The following CACNA2D3 variants were observed in gnomAD, a reference collection of about 807,000 sequenced individuals.
CACNA2D3 encodes calcium voltage-gated channel auxiliary subunit alpha2delta 3.
CACNA2D3 carries 60 observed loss-of-function variants against 160.6 expected under a neutral mutation model. That is an observed-to-expected ratio of 0.37 (90% CI 0.30 to 0.46). The LOEUF (loss-of-function observed/expected upper bound fraction) is 0.46. Ranked by LOEUF, CACNA2D3 falls within the 20% of genes least tolerant of loss-of-function variation. The pLI, the probability that CACNA2D3 is intolerant of heterozygous loss-of-function variation, is 1.00. For missense variants in CACNA2D3, 1,205 were observed against 1,365.0 expected (o/e 0.88, Z 1.85); for synonymous variants, 558 against 492.9 (o/e 1.13, Z -1.75).
rs529807526 is a variant in CACNA2D3, at chr3:54,765,729, T to C, written c.1380+1378T>C. On this transcript the variant is annotated intron_variant, in intron 13 of 37. Transcript: ENST00000474759. ...TTTGTTTCATCAATTTAAAAAAATA[T>C]AAGACACAGTTTCTACAATTAAAAC... Among the ~76,000 whole-genome samples, 21 of 152,242 alleles carry C rather than the reference T, an allele frequency of 1.4e-4. No individual in the cohort carries two copies. The South Asian group carries it at 3.3e-3, about 24-fold the overall frequency.
At chr3:54,944,713 G>A (rs754525279) in intron 27 of CACNA2D3, among the ~76,000 whole-genome samples, 4 of 152,156 alleles carry the variant, frequency 2.6e-5, no homozygotes, top group African/African-American at 7.2e-5. Flanking sequence ...GAGCCACCGC[G>A]CCCAGCCTCC....
intron 2 of CACNA2D3, among the ~76,000 whole-genome samples, chr3:54,226,345 C>G (rs1701672649): frequency 7.4e-6 from 1 of 134,658 alleles, no homozygotes; most frequent in African/African-American, 2.8e-5. Context: ...GACAGTTGCT[C>G]TGTCACCCAG....
chr3:54,825,387 T>C (rs549698030), intron 14 of CACNA2D3, among the ~76,000 whole-genome samples: 1 of 152,324 alleles, frequency 6.6e-6, no homozygotes, highest in Non-Finnish European at 1.5e-5. Flanking sequence ...GAAGGGGACA[T>C]CACAGGACAC....
At chr3:54,591,567 GTTTTTTTT>G (rs397755008) in intron 9 of CACNA2D3, among the ~76,000 whole-genome samples, 4 of 121,374 alleles carry the variant, frequency 3.3e-5, no homozygotes, top group African/African-American at 6.2e-5. Flanking sequence ...GTTGAAAAAA[GTTTTTTTT>G]TTTTTTTTTT....
intron 8 of CACNA2D3, among the ~76,000 whole-genome samples, chr3:54,572,649 A>G (rs897077712): frequency 6.6e-6 from 1 of 152,206 alleles, no homozygotes; most frequent in Non-Finnish European, 1.5e-5. Flanking sequence ...GCCTTGAGGC[A>G]TAGTTCTTTG....
intron 4 of CACNA2D3, among the ~76,000 whole-genome samples, chr3:54,400,243 C>T (rs1699428059): frequency 1.3e-5 from 2 of 150,796 alleles, no homozygotes; most frequent in Non-Finnish European, 1.5e-5. Flanking sequence ...GATGGAAATG[C>T]AGAAATCACC....
intron 11 of CACNA2D3, among the ~76,000 whole-genome samples, chr3:54,733,482 G>C (rs553287604): frequency 6.6e-6 from 1 of 152,132 alleles, no homozygotes; most frequent in Admixed American, 6.5e-5. Context: ...TAATAAGCTG[G>C]TTATGAAAAT....
At chr3:54,788,679 T>C (rs1261852217) in intron 13 of CACNA2D3, among the ~76,000 whole-genome samples, 1 of 152,214 alleles carries the variant, frequency 6.6e-6, no homozygotes, top group African/African-American at 2.4e-5. Context: ...GCCTGTGCTC[T>C]GCCATGTGCC....
intron 12 of CACNA2D3, among the ~76,000 whole-genome samples, chr3:54,756,071 A>G (rs536078800): frequency 1.1e-4 from 17 of 152,338 alleles, no homozygotes; most frequent in African/African-American, 4.1e-4. Flanking sequence ...GGGCCTGGCT[A>G]TAGAATATAG....
intron 2 of CACNA2D3, among the ~76,000 whole-genome samples, chr3:54,281,324 T>G (rs965047347): frequency 5.3e-5 from 8 of 152,240 alleles, no homozygotes; most frequent in Non-Finnish European, 1.2e-4. Context: ...TTGCACATTT[T>G]GTGACTCAGT....
chr3:54,754,191 C>T (rs952976052), intron 12 of CACNA2D3, among the ~76,000 whole-genome samples: 1 of 152,174 alleles, frequency 6.6e-6, no homozygotes, highest in Non-Finnish European at 1.5e-5. Context: ...AATAGGGCTG[C>T]CCAGTCTGTG....
intron 2 of CACNA2D3, among the ~76,000 whole-genome samples, chr3:54,251,087 C>T (rs543735432): frequency 6.6e-6 from 1 of 152,146 alleles, no homozygotes; most frequent in African/African-American, 2.4e-5. Flanking sequence ...GGAGAGTGGT[C>T]AGGGGTTATG....
chr3:54,127,415 T>C (rs1205639975), intron 2 of CACNA2D3, among the ~76,000 whole-genome samples: 1 of 152,224 alleles, frequency 6.6e-6, no homozygotes, highest in Non-Finnish European at 1.5e-5. Flanking sequence ...GTTGGTGCTT[T>C]AAGCCATTTT....
intron 2 of CACNA2D3, among the ~76,000 whole-genome samples, chr3:54,126,634 A>G (rs1699598918): frequency 6.6e-6 from 1 of 152,110 alleles, no homozygotes; most frequent in South Asian, 2.1e-4. Context: ...CTTTTAGGAA[A>G]TTTGTCTGTT....
chr3:54,490,277 T>C (rs1219168673), intron 4 of CACNA2D3, among the ~76,000 whole-genome samples: 1 of 152,154 alleles, frequency 6.6e-6, no homozygotes, highest in East Asian at 1.9e-4. Context: ...CCAATCCCAC[T>C]TCACAGGAAG....
At chr3:54,253,458 C>T (rs971638687) in intron 2 of CACNA2D3, among the ~76,000 whole-genome samples, 1 of 151,938 alleles carries the variant, frequency 6.6e-6, no homozygotes, top group Non-Finnish European at 1.5e-5. Context: ...GGGGGAGGTG[C>T]CACACACTTT....
intron 9 of CACNA2D3, among the ~76,000 whole-genome samples, chr3:54,586,509 A>G (rs1011196329): frequency 6.6e-6 from 1 of 152,206 alleles, no homozygotes; most frequent in Non-Finnish European, 1.5e-5. Context: ...CAAAATACAC[A>G]GTTTCAAAAT....
intron 2 of CACNA2D3, among the ~76,000 whole-genome samples, chr3:54,312,269 G>A (rs1464685771): frequency 2.0e-5 from 3 of 152,134 alleles, no homozygotes; most frequent in African/African-American, 4.8e-5. Flanking sequence ...TAATTATGTC[G>A]ACTCTAGAGG....
intron 2 of CACNA2D3, among the ~76,000 whole-genome samples, chr3:54,191,924 C>T (rs1271008608): frequency 2.0e-5 from 3 of 152,184 alleles, no homozygotes; most frequent in African/African-American, 7.2e-5. Context: ...TCCACTGTGT[C>T]TCCCCTGAAC....
Sources: allele counts gnomAD v4.1 joint callset (sites outside exome capture counted in the v4.1 genomes callset), GRCh38; gene constraint gnomAD v4.1.1; transcripts MANE v1.5; gene names NCBI Gene and HGNC (gene_info 2026-07-23, HGNC 2026-07-21).